Variants in RAPGEFL1 observed in about 807,000 individuals in gnomAD.
The protein encoded by RAPGEFL1 is rap guanine nucleotide exchange factor-like 1.
A neutral mutation model predicts 64.4 loss-of-function variants in RAPGEFL1; 31 were observed. The ratio of observed to expected loss-of-function variants is 0.48; its 90% CI spans 0.36 to 0.65. RAPGEFL1 has a LOEUF of 0.65. Ranked by LOEUF, RAPGEFL1 falls within the 30% of genes least tolerant of loss-of-function variation. RAPGEFL1 has a pLI of 0.00. For missense variants in RAPGEFL1, 682 were observed against 677.4 expected (o/e 1.01, Z -0.08); for synonymous variants, 331 against 274.1 (o/e 1.21, Z -2.05).
intron 10 of RAPGEFL1, 56 bp from the exon 11 acceptor site, chr17:40,192,157 A>G (rs1363033157): frequency 6.6e-7 from 1 of 1,519,400 alleles, no homozygotes; most frequent in African/African-American, 1.4e-5. Flanking sequence ...CGAGGCTCCC[A>G]TGTAACCCAA....
At position 40,184,367 on chromosome 17, in the gene RAPGEFL1, G is replaced by A. The variant is rs1291481521; in HGVS notation, c.735+18G>A. 6.3e-7 allele frequency: 1 copy of A among 1,596,962 alleles called. No homozygotes were observed. The highest frequency in any genetic ancestry group is 8.5e-7 in the Non-Finnish European group (1 of 1,171,842). Reference sequence around the variant, plus strand: ...TCATCAAGGTGGGCCTGGGGGAAGAGAAGGTGGGTAAACAGGCTATTAGCT... The same window carrying A: ...TCATCAAGGTGGGCCTGGGGGAAGAAAAGGTGGGTAAACAGGCTATTAGCT... On this transcript the variant is annotated intron_variant, in intron 3 of 14. Coordinates refer to ENST00000620260, the MANE Select transcript of RAPGEFL1 (RefSeq NM_016339.6).
chr17:40,191,757 TGGAG>T lies in RAPGEFL1; in HGVS notation c.1605+90_1605+93del, dbSNP rs985389006. The T allele has an allele frequency of 4.4e-6, 6 of 1,371,656 alleles. No individual in the cohort carries two copies. The African/African-American group carries it at 8.6e-5, about 20-fold the overall frequency. The allele number at this position is 1,371,656 out of a possible 1,614,324, so 85.0% of individuals were successfully genotyped here. A position where few individuals can be genotyped will look rare whatever the true frequency, so the allele number is the denominator to read the frequency against. On this transcript the variant is annotated intron_variant, in intron 10 of 14. Coordinates refer to ENST00000620260, the MANE Select transcript of RAPGEFL1 (RefSeq NM_016339.6). The surrounding 1 kb of genome is among the most constrained non-coding windows in gnomAD (Gnocchi z 5.1). ...CGTCCTCCCGGGACGGCCGCCGGCC[TGGAG>T]GGAGTCTTTGCGCCAGTTGGAGGGA...
rs934933008 is a variant in RAPGEFL1, at chr17:40,194,918, G to A, written c.*1130G>A. The A allele has an allele frequency of 2.0e-5, 3 of 152,658 alleles. No homozygotes were observed. The highest frequency in any genetic ancestry group is 4.4e-5 in the Non-Finnish European group (3 of 68,104). The allele number at this position is 152,658 out of a possible 1,614,324, so 9.5% of individuals were successfully genotyped here. A position where few individuals can be genotyped will look rare whatever the true frequency, so the allele number is the denominator to read the frequency against. On this transcript the variant is annotated 3_prime_UTR_variant, in exon 15 of 15. Coordinates refer to ENST00000620260, the MANE Select transcript of RAPGEFL1 (RefSeq NM_016339.6). ...GACTGTAAAGGCGCCACTGGACTCT[G>A]GCAAGGCCTTTATTACCTTTACTCC... is the stretch of plus-strand genomic sequence containing the variant.
intron 2 of RAPGEFL1, among the ~76,000 whole-genome samples, chr17:40,183,779 G>A (rs1989967753): frequency 6.9e-6 from 1 of 143,990 alleles, no homozygotes; most frequent in Admixed American, 7.1e-5. Context: ...CCTCAGCCTT[G>A]CAAAGGGCTG....
In RAPGEFL1 at chr17:40,191,577, C is replaced by T. The variant is rs1411799426; in HGVS notation, c.1515-5C>T. 6.2e-7 allele frequency: 1 copy of T among 1,604,596 alleles called. No individual in the cohort carries two copies. The highest frequency in any genetic ancestry group is 8.5e-7 in the Non-Finnish European group (1 of 1,176,768). On this transcript the variant is annotated splice_region_variant and splice_polypyrimidine_tract_variant and intron_variant, in intron 9 of 14. Coordinates refer to ENST00000620260, the MANE Select transcript of RAPGEFL1 (RefSeq NM_016339.6). The surrounding 1 kb of genome is among the most constrained non-coding windows in gnomAD (Gnocchi z 5.1). ...CGCCCCTGACCCCGCCTCCCACCCC[C>T]GCAGCTGCAAGCAGAACCAGGACCT...
chr17:40,183,834 CCTTTTTT>C (rs1989972452), intron 2 of RAPGEFL1, among the ~76,000 whole-genome samples: 1 of 77,856 alleles, frequency 1.3e-5, no homozygotes, highest in African/African-American at 5.4e-5. Context: ...TTTTTTTTTG[CCTTTTTT>C]TTTTTTTTTT....
chr17:40,183,683 C>T (rs1436377537), intron 2 of RAPGEFL1, among the ~76,000 whole-genome samples: 1 of 150,582 alleles, frequency 6.6e-6, no homozygotes, highest in Non-Finnish European at 1.5e-5. Context: ...CCACTCCCAG[C>T]TAATTTTTTG....
At chr17:40,182,613 C>G (rs1433199557) in intron 2 of RAPGEFL1, among the ~76,000 whole-genome samples, 2 of 152,182 alleles carry the variant, frequency 1.3e-5, no homozygotes, top group African/African-American at 4.8e-5. Context: ...TGCGCCCAGC[C>G]AAGGTGTTAT....
At chr17:40,193,452 G>A (rs1990348953) in intron 14 of RAPGEFL1, 35 bp downstream of exon 14, 1 of 1,611,826 alleles carries the variant, frequency 6.2e-7, no homozygotes, top group Non-Finnish European at 8.5e-7. Context: ...AGTACAGATA[G>A]AGCTTTGACT....
rs1433121041 is a variant in RAPGEFL1 at position 40,178,203 on chromosome 17, C to T, written c.342C>T (p.Leu114=). 7.3e-6 allele frequency: 4 copies of T among 545,914 alleles called. No individual in the cohort carries two copies. Among genetic ancestry groups the T allele is most frequent in the Admixed American group, 6.8e-5 (2 of 29,410 alleles). 33.8% of individuals were successfully genotyped at this position (545,914 alleles called of 1,614,324 possible). Reference sequence around the variant, plus strand: ...AGGAGGTGCCGGGGCCCGGGCCTCTCGGGGGAGGGGGGCCCCTGCGCTCCC... The same window carrying T: ...AGGAGGTGCCGGGGCCCGGGCCTCTTGGGGGAGGGGGGCCCCTGCGCTCCC... ...QLEEVPGPGP[L]GGGGPLRSPS... is the part of the protein sequence containing the mutation. Residue 114 remains leucine (L), a synonymous_variant, in exon 1 of 15, where the codon CTC becomes CTT. Transcript: ENST00000620260.
chr17:40,191,543 G>A lies in RAPGEFL1; in HGVS notation c.1515-39G>A, dbSNP rs1306632404. On this transcript the variant is annotated intron_variant, in intron 9 of 14. Transcript: ENST00000620260. This position sits in a 1 kb window ranked among gnomAD's most constrained non-coding sequence, Gnocchi z 5.1. ...GGGGGGCCGGAGGCCGGAGGCCCGC[G>A]CCGCCGCCCGCCCCTGACCCCGCCT... 6.4e-7 allele frequency: 1 copy of A among 1,554,438 alleles called. No individual in the cohort carries two copies. The highest frequency in any genetic ancestry group is 2.4e-5 in the East Asian group (1 of 41,610).
At chr17:40,184,835 A>C (rs1041401156) in intron 4 of RAPGEFL1, among the ~76,000 whole-genome samples, 157 bp downstream of exon 4, 1 of 152,324 alleles carries the variant, frequency 6.6e-6, no homozygotes, top group Admixed American at 6.5e-5. Flanking sequence ...GCTGGAGAGC[A>C]GTGGTGCGAT....
intron 4 of RAPGEFL1, among the ~76,000 whole-genome samples, chr17:40,186,633 C>T (rs1269430129): frequency 1.5e-5 from 2 of 129,664 alleles, no homozygotes; most frequent in African/African-American, 2.8e-5. Context: ...TGTGGTGGCT[C>T]ATGCCTGTAA....
Position 40,191,600 on chromosome 17 carries a change from C to A in RAPGEFL1, c.1533C>A (p.Asp511Glu), listed in dbSNP as rs1255442164. ...CCCGCAGCTGCAAGCAGAACCAGGA[C>A]CTGCTGTCTTTCTACGCCGTGGTCA... is the stretch of plus-strand genomic sequence containing the variant. The part of the protein sequence containing the change: ...KIAALCKQNQ[D>E]LLSFYAVVMG... Residue 511 changes from aspartate (D) to glutamate (E), a missense_variant, in exon 10 of 15, where the codon GAC becomes GAA. Physicochemically the swap from Asp to Glu is conservative, Grantham distance 45 (BLOSUM62 2). This residue lies in a region of RAPGEFL1 where 411 missense variants were observed against 519.4 expected (regional missense o/e 0.79). Coordinates refer to ENST00000620260, the MANE Select transcript of RAPGEFL1 (RefSeq NM_016339.6). The surrounding 1 kb of genome is among the most constrained non-coding windows in gnomAD (Gnocchi z 5.1). The A allele has an allele frequency of 6.2e-7, 1 of 1,612,322 alleles. No individual in the cohort carries two copies. Among genetic ancestry groups the A allele is most frequent in the Non-Finnish European group, 8.5e-7 (1 of 1,179,542 alleles).
At chr17:40,182,901 A>T (rs1333887793) in intron 2 of RAPGEFL1, among the ~76,000 whole-genome samples, 1 of 152,120 alleles carries the variant, frequency 6.6e-6, no homozygotes, top group African/African-American at 2.4e-5. Flanking sequence ...TAATCACAGC[A>T]CTTTGGGAGG....
At position 40,195,288 on chromosome 17, in the gene RAPGEFL1, T is replaced by TG. The variant is rs1366073595; in HGVS notation, c.*1501dup. The TG allele has an allele frequency of 6.5e-6, 1 of 152,780 alleles. No individual in the cohort carries two copies. Among genetic ancestry groups the TG allele is most frequent in the African/African-American group, 2.4e-5 (1 of 41,362 alleles). The allele number at this position is 152,780 out of a possible 1,614,324, so 9.5% of individuals were successfully genotyped here. ...AAAAATCCTCTATGGACATAGGAGG[T>TG]GCTGTGTCCCATGCCCTCTTGCCCT... is the stretch of plus-strand genomic sequence containing the variant. On this transcript the variant is annotated 3_prime_UTR_variant, in exon 15 of 15. Coordinates refer to ENST00000620260, the MANE Select transcript of RAPGEFL1 (RefSeq NM_016339.6).
rs1047748088 is a variant in RAPGEFL1 at position 40,177,511 on chromosome 17, G to A, written c.-351G>A. ...GGCCAGGAGCGCAGCCGCCGCCGCC[G>A]CCGCCGCCGCGTCCTCTCAGCCTTG... On this transcript the variant is annotated 5_prime_UTR_variant, in exon 1 of 15. Transcript: ENST00000620260. The A allele has an allele frequency of 3.3e-6, 2 of 597,688 alleles. No individual in the cohort carries two copies. Among genetic ancestry groups the A allele is most frequent in the East Asian group, 2.9e-5 (1 of 34,226 alleles). 37.0% of individuals were successfully genotyped at this position (597,688 alleles called of 1,614,324 possible).
rs202007327 is a variant in RAPGEFL1 at position 40,184,328 on chromosome 17, G to C, written c.714G>C (p.Glu238Asp). ...DTYQGLLQEE[E>D]GAGHIIKDLY... ...ACCAGGGGCTGCTTCAAGAGGAAGA[G>C]GGGGCCGGCCACATCATCAAGGTGG... The change falls in exon 3 of 15, where the codon GAG (glutamate) becomes GAC (aspartate). Residue 238 changes from glutamate to aspartate, a missense_variant. Physicochemically the swap from Glu to Asp is conservative, Grantham distance 45. Transcript: ENST00000620260. 4.3e-6 allele frequency: 7 copies of C among 1,613,176 alleles called. No individual in the cohort carries two copies. The East Asian group carries it at 1.6e-4, about 36-fold the overall frequency.
intron 4 of RAPGEFL1, among the ~76,000 whole-genome samples, chr17:40,187,045 C>T (rs989340895): frequency 6.6e-6 from 1 of 151,948 alleles, no homozygotes; most frequent in Non-Finnish European, 1.5e-5. Context: ...TGGGCTCCAG[C>T]AATCCTCCCA....
Sources: gnomAD v4.1 joint callset for allele counts (sites outside exome capture counted in the v4.1 genomes callset) on GRCh38, gnomAD v4.1.1 for gene constraint, gnomAD v4.1.1 regional missense constraint, Gnocchi (gnomAD v3.1) non-coding constraint, MANE v1.5 for transcripts, NCBI Gene and HGNC (gene_info 2026-07-23, HGNC 2026-07-21) for gene names.